The following AKAP7 variants were observed in gnomAD, a reference collection of about 807,000 sequenced individuals.
The protein encoded by AKAP7 is A kinase (PRKA) anchor protein 7.
AKAP7 carries 39 observed loss-of-function variants against 39.5 expected under a neutral mutation model. That is an observed-to-expected ratio of 0.99 (90% CI 0.76 to 1.29). The LOEUF (loss-of-function observed/expected upper bound fraction) is 1.29, where lower values mean the gene tolerates loss of function less well. Ranked by LOEUF, AKAP7 falls within the 50% of genes most tolerant of loss-of-function variation. The pLI is 0.00. For missense variants in AKAP7, 414 were observed against 407.7 expected, an observed-to-expected ratio of 1.02 and a Z score of -0.13; for synonymous variants, 140 against 139.1, an observed-to-expected ratio of 1.01 and a Z score of -0.05.
rs181180903 is a variant in AKAP7 at position 131,271,230 on chromosome 6, T to C, written c.851-10300T>C. ...GTATTAGGTCTGTGATTCATTTTAA[T>C]TTTTATATTGGTGTAAGAGTTGAGG... On this transcript the variant is annotated intron_variant, in intron 7 of 7. Transcript: ENST00000431975. Among the ~76,000 whole-genome samples, 262 of 152,244 alleles carry C rather than the reference T, an allele frequency of 1.7e-3. 1 individual carries two copies. Among genetic ancestry groups the C allele is most frequent in the African/African-American group, 6.2e-3 (257 of 41,526 alleles).
intron 7 of AKAP7, among the ~76,000 whole-genome samples, chr6:131,238,873 C>T (rs376136193): frequency 7.1e-4 from 108 of 152,160 alleles, no homozygotes; most frequent in Admixed American, 4.5e-3. Context: ...TTTGCCAGTC[C>T]GTGTCTTTTA....
chr6:131,274,761 CTT>C (rs1344630227), intron 7 of AKAP7, among the ~76,000 whole-genome samples: 2 of 152,156 alleles, frequency 1.3e-5, no homozygotes, highest in African/African-American at 2.4e-5. Flanking sequence ...TCTCTGAACT[CTT>C]TATCCTGACA....
chr6:131,132,244 C>T (rs1178194108), upstream of AKAP7, among the ~76,000 whole-genome samples: 1 of 150,640 alleles, frequency 6.6e-6, no homozygotes, highest in African/African-American at 2.4e-5. Flanking sequence ...ACCCGGGAGG[C>T]GGAGCTTGCA....
chr6:131,255,705 GC>G (rs1319278735), intron 7 of AKAP7, among the ~76,000 whole-genome samples: 9 of 152,184 alleles, frequency 5.9e-5, no homozygotes, highest in African/African-American at 1.2e-4. Context: ...GTCTGAGCAA[GC>G]TGCTAACATC....
intron 7 of AKAP7, among the ~76,000 whole-genome samples, chr6:131,272,665 ATCTT>A (rs1814388970): frequency 6.6e-6 from 1 of 152,312 alleles, no homozygotes; most frequent in Non-Finnish European, 1.5e-5. Context: ...TTCTCAGGGT[ATCTT>A]TCTGTTACTG....
chr6:131,279,519 A>G (rs1815037111), intron 7 of AKAP7, among the ~76,000 whole-genome samples: 1 of 152,144 alleles, frequency 6.6e-6, no homozygotes, highest in African/African-American at 2.4e-5. Context: ...CACCTGCCTC[A>G]GCCTCCCAAA....
chr6:131,173,044 A>G (rs902406350), intron 5 of AKAP7, among the ~76,000 whole-genome samples: 6 of 152,030 alleles, frequency 3.9e-5, no homozygotes, highest in Non-Finnish European at 7.4e-5. Context: ...TCTCTATTAA[A>G]AATACAAAAA....
intron 1 of AKAP7, among the ~76,000 whole-genome samples, chr6:131,137,192 G>A (rs1318942748): frequency 6.6e-6 from 1 of 151,790 alleles, no homozygotes; most frequent in Non-Finnish European, 1.5e-5. Flanking sequence ...TGAACTCCTG[G>A]GCTCAAGCAG....
intron 7 of AKAP7, 43 bp downstream of exon 7, chr6:131,219,851 T>A: frequency 7.4e-7 from 1 of 1,349,672 alleles, no homozygotes; most frequent in Non-Finnish European, 9.8e-7. Context: ...TATTTTTAAT[T>A]TTTTTGGCAT....
At chr6:131,132,525 T>C (rs1034756219), upstream of AKAP7, among the ~76,000 whole-genome samples, 2 of 152,068 alleles carry the variant, frequency 1.3e-5, no homozygotes, top group Admixed American at 1.3e-4. Flanking sequence ...GAGGACAATA[T>C]ACACTGGCAC....
chr6:131,262,937 A>G (rs1446653719), intron 7 of AKAP7, among the ~76,000 whole-genome samples: 3 of 152,226 alleles, frequency 2.0e-5, no homozygotes, highest in African/African-American at 7.2e-5. Context: ...GCATTTGAGA[A>G]TAATAAGCTG....
chr6:131,155,056 C>G (rs1043962992), intron 2 of AKAP7, among the ~76,000 whole-genome samples: 1 of 151,516 alleles, frequency 6.6e-6, no homozygotes, highest in African/African-American at 2.4e-5. Context: ...GGGCCTCACC[C>G]TGTCATCCAC....
At chr6:131,254,983 T>G (rs753051594) in intron 7 of AKAP7, among the ~76,000 whole-genome samples, 2 of 152,142 alleles carry the variant, frequency 1.3e-5, no homozygotes, top group Non-Finnish European at 2.9e-5. Flanking sequence ...TAATGTCTGG[T>G]GAATACATAT....
chr6:131,241,615 G>GTATATATACGTATATATATATA (rs1461603235), intron 7 of AKAP7, among the ~76,000 whole-genome samples: 8 of 101,334 alleles, frequency 7.9e-5, no homozygotes, highest in African/African-American at 2.8e-4. Flanking sequence ...GTGTGTGTGT[G>GTATATATACGTATATATATATA]TGTGTGTGTG....
At chr6:131,211,124 C>T (rs1055187416) in intron 6 of AKAP7, among the ~76,000 whole-genome samples, 13 of 152,092 alleles carry the variant, frequency 8.5e-5, no homozygotes, top group African/African-American at 2.7e-4. Flanking sequence ...AAGATGGTGT[C>T]GTTTGGCTTG....
chr6:131,268,703 C>A (rs1814021751), intron 7 of AKAP7, among the ~76,000 whole-genome samples: 1 of 152,184 alleles, frequency 6.6e-6, no homozygotes, highest in Non-Finnish European at 1.5e-5. Flanking sequence ...CTGCTCATAT[C>A]AATTCCTAGC....
intron 6 of AKAP7, among the ~76,000 whole-genome samples, chr6:131,217,526 G>C (rs188671274): frequency 3.7e-4 from 56 of 151,972 alleles, no homozygotes; most frequent in African/African-American, 1.3e-3. Flanking sequence ...ATATAATTTC[G>C]GTGCCTTCAA....
intron 2 of AKAP7, 83 bp downstream of exon 2, chr6:131,145,499 T>A: frequency 1.1e-6 from 1 of 942,122 alleles, no homozygotes; most frequent in East Asian, 3.6e-5. Flanking sequence ...CTTTATAAGT[T>A]GTTTCACTTT....
intron 7 of AKAP7, among the ~76,000 whole-genome samples, chr6:131,263,614 A>G (rs893441036): frequency 6.6e-6 from 1 of 152,178 alleles, no homozygotes; most frequent in African/African-American, 2.4e-5. Context: ...TGTCTTAAGG[A>G]AGGGTCACTT....
Sources: gnomAD v4.1 joint callset for allele counts (sites outside exome capture counted in the v4.1 genomes callset) on GRCh38, gnomAD v4.1.1 for gene constraint, MANE v1.5 for transcripts, NCBI Gene and HGNC (gene_info 2026-07-23, HGNC 2026-07-21) for gene names.